Variants in SCARB2 observed in about 807,000 individuals in gnomAD.
The protein encoded by SCARB2 is scavenger receptor class B member 2.
A neutral mutation model predicts 58.6 loss-of-function variants in SCARB2; 29 were observed. The ratio of observed to expected loss-of-function variants is 0.49; its 90% confidence interval spans 0.37 to 0.67. SCARB2 has a LOEUF of 0.67. SCARB2 is among the 30% of genes least tolerant of loss of function. SCARB2 has a pLI of 0.00. For missense variants in SCARB2, 488 were observed against 578.5 expected (o/e 0.84, Z 1.60); for synonymous variants, 195 against 210.1 (o/e 0.93, Z 0.62).
chr4:76,176,327 A>G, intron 5 of SCARB2, 110 bp downstream of exon 5: 1 of 720,312 alleles, frequency 1.4e-6, no homozygotes, highest in Non-Finnish European at 2.4e-6. Flanking sequence ...ACATGTTTTT[A>G]TATTTTTCAT....
intron 1 of SCARB2, among the ~76,000 whole-genome samples, chr4:76,222,644 T>G (rs1382577144): frequency 6.6e-6 from 1 of 152,186 alleles, no homozygotes; most frequent in East Asian, 1.9e-4. Flanking sequence ...TTCACATTCT[T>G]TCAGAGTCAA....
At chr4:76,201,519 C>T (rs1732828382) in intron 1 of SCARB2, among the ~76,000 whole-genome samples, 1 of 152,170 alleles carries the variant, frequency 6.6e-6, no homozygotes. Context: ...CTGCTGTTTA[C>T]CCAGTTCTTC....
At chr4:76,163,119 C>T in intron 11 of SCARB2, 106 bp downstream of exon 11, 1 of 1,438,132 alleles carries the variant, frequency 7.0e-7, no homozygotes, top group Non-Finnish European at 9.8e-7. Context: ...CATAAAATCC[C>T]AGAATTTATC....
intron 1 of SCARB2, among the ~76,000 whole-genome samples, chr4:76,210,469 C>T (rs1182464208): frequency 1.3e-5 from 2 of 152,162 alleles, no homozygotes; most frequent in African/African-American, 2.4e-5. Flanking sequence ...TGAAATGTAA[C>T]GTAAACTCCT....
At chr4:76,215,258 C>T (rs1170824523), upstream of SCARB2, among the ~76,000 whole-genome samples, 1 of 152,240 alleles carries the variant, frequency 6.6e-6, no homozygotes, top group East Asian at 1.9e-4. Flanking sequence ...GTATTATCCT[C>T]ATTTTACACT....
At chr4:76,219,714 T>C (rs138083729) in intron 1 of SCARB2, among the ~76,000 whole-genome samples, 6 of 151,698 alleles carry the variant, frequency 4.0e-5, no homozygotes, top group East Asian at 1.9e-4. Flanking sequence ...TGGCCAGAGA[T>C]AGGGGTGCAG....
intron 2 of SCARB2, chr4:76,193,567 A>G (rs1038034971): frequency 6.6e-6 from 1 of 152,256 alleles, no homozygotes; most frequent in Non-Finnish European, 1.5e-5. Flanking sequence ...TGAGACACGG[A>G]GTCAAAGAAG....
chr4:76,228,177 T>G (rs999049322), intron 1 of SCARB2, among the ~76,000 whole-genome samples: 5 of 152,106 alleles, frequency 3.3e-5, no homozygotes, highest in African/African-American at 1.2e-4. Flanking sequence ...TGAGGTTTTA[T>G]TTCAAGATTT....
upstream of SCARB2, among the ~76,000 whole-genome samples, chr4:76,215,484 T>A (rs1733189177): frequency 6.6e-6 from 1 of 152,232 alleles, no homozygotes; most frequent in Admixed American, 6.5e-5. Context: ...TGAGATAGCA[T>A]GATGGTTTAA....
At position 76,195,770 on chromosome 4, in the gene SCARB2, T is replaced by C; in HGVS notation, c.212A>G (p.Asn71Ser). 1 of 1,614,010 alleles carries C rather than the reference T, an allele frequency of 6.2e-7. No individual in the cohort carries two copies. The highest frequency in any genetic ancestry group is 8.5e-7 in the Non-Finnish European group (1 of 1,179,870). The change falls in exon 2 of 12, where the codon AAT becomes AGT. Residue 71 changes from asparagine (N) to serine (S), a missense_variant. Physicochemically the swap from Asn to Ser is conservative, Grantham distance 46. Coordinates refer to ENST00000264896, the MANE Select transcript of SCARB2 (RefSeq NM_005506.4). ...YTQFYFFNVT[N>S]PEEILRGETP... ...CTCCCCTCTGAGGATCTCCTCTGGA[T>C]TGGTGACATTGAAGAAATAGAACTG...
intron 1 of SCARB2, among the ~76,000 whole-genome samples, chr4:76,197,529 A>T (rs902357656): frequency 1.3e-5 from 2 of 152,152 alleles, no homozygotes; most frequent in Non-Finnish European, 2.9e-5. Flanking sequence ...CTGCACACCC[A>T]CATATTATTG....
chr4:76,166,710 T>C (rs1397483696), intron 9 of SCARB2: 3 of 268,198 alleles, frequency 1.1e-5, no homozygotes, highest in South Asian at 8.9e-5. Context: ...TGGGATATTA[T>C]CTCATTCAAT....
chr4:76,178,383 C>T (rs187562798), intron 4 of SCARB2, among the ~76,000 whole-genome samples: 5 of 152,242 alleles, frequency 3.3e-5, no homozygotes, highest in Admixed American at 2.0e-4. Context: ...GATAGTGTGG[C>T]TATCAGTCTG....
chr4:76,159,368 A>G lies in SCARB2; in HGVS notation c.*2345T>C, dbSNP rs1731846234. On this transcript the variant is annotated 3_prime_UTR_variant, in exon 12 of 12. Transcript: ENST00000264896. Reference sequence around the variant, plus strand: ...CTATAATTTTGACTGTAGTTTGTAGATCTGTCTCAGACTTTTCAGAAGGAT... The same window carrying G: ...CTATAATTTTGACTGTAGTTTGTAGGTCTGTCTCAGACTTTTCAGAAGGAT... 6.6e-6 allele frequency: 1 copy of G among 152,232 alleles called. No homozygotes were observed. Among genetic ancestry groups the G allele is most frequent in the African/African-American group, 2.4e-5 (1 of 41,462 alleles). 9.4% of individuals were successfully genotyped at this position (152,232 alleles called of 1,614,324 possible). A position where few individuals can be genotyped will look rare whatever the true frequency, so the allele number is the denominator to read the frequency against.
Position 76,163,365 on chromosome 4 carries a change from C to T in SCARB2, c.1258G>A (p.Glu420Lys), listed in dbSNP as rs769000006. ...YLNESVHIDK[E>K]TASRLKSMIN... ...ATAGACTTCAGTCGACTCGCCGTCT[C>T]TTTATCAATGTGAACACTCTGGAGA... The change falls in exon 11 of 12, where the codon GAG becomes AAG. Residue 420 changes from glutamate to lysine, a missense_variant. Glu to Lys is a moderately conservative substitution (Grantham distance 56). Coordinates refer to ENST00000264896, the MANE Select transcript of SCARB2 (RefSeq NM_005506.4). 6.2e-7 allele frequency: 1 copy of T among 1,614,182 alleles called. No homozygotes were observed. The highest frequency in any genetic ancestry group is 2.2e-5 in the East Asian group (1 of 44,882).
intron 2 of SCARB2, among the ~76,000 whole-genome samples, chr4:76,183,141 T>C (rs913874988): frequency 6.6e-6 from 1 of 152,176 alleles, no homozygotes; most frequent in Non-Finnish European, 1.5e-5. Context: ...AACAAACCAT[T>C]TTTTTCTGTG....
intron 2 of SCARB2, chr4:76,191,737 CCCCTCCCT>C (rs140133931): frequency 1.4e-5 from 2 of 143,360 alleles, no homozygotes; most frequent in African/African-American, 2.9e-5. Flanking sequence ...CTCTCTCTCT[CCCCTCCCT>C]CCCTCCCTCC....
In SCARB2 at chr4:76,212,302, A is replaced by T. The variant is rs527336164; in HGVS notation, c.117+1125T>A. ...CAGTGGGCCTTGTCTTCCCTTGGCA[A>T]TGTGAACTTTAAAAATTACATTATG... On this transcript the variant is annotated intron_variant, in intron 1 of 11. Coordinates refer to ENST00000264896, the MANE Select transcript of SCARB2 (RefSeq NM_005506.4). Among the ~76,000 whole-genome samples the T allele has an allele frequency of 2.0e-5, 3 of 152,302 alleles. No individual in the cohort carries two copies. In the East Asian group the frequency reaches 5.8e-4, roughly 29 times the overall value.
At chr4:76,200,550 C>A (rs1732809037) in intron 1 of SCARB2, among the ~76,000 whole-genome samples, 1 of 152,188 alleles carries the variant, frequency 6.6e-6, no homozygotes, top group South Asian at 2.1e-4. Context: ...CTATGCCCTG[C>A]AAACAGGCAT....
Sources: gnomAD v4.1 joint callset for allele counts (sites outside exome capture counted in the v4.1 genomes callset) on GRCh38, gnomAD v4.1.1 for gene constraint, MANE v1.5 for transcripts, NCBI Gene and HGNC (gene_info 2026-07-23, HGNC 2026-07-21) for gene names.